RPGRIP1: variants seen among roughly 807,000 people sequenced by gnomAD.
RPGRIP1 encodes X-linked retinitis pigmentosa GTPase regulator-interacting protein 1.
Under a neutral mutation model 157.9 loss-of-function variants are expected in RPGRIP1, and 128 were observed. That is an observed-to-expected ratio of 0.81 (90% CI 0.70 to 0.94). RPGRIP1 has a LOEUF of 0.94. RPGRIP1 is among the 40% of genes least tolerant of loss of function. RPGRIP1 has a pLI of 0.00. For synonymous variants in RPGRIP1, 554 were observed against 571.6 expected (o/e 0.97, Z 0.44); for missense variants, 1,486 against 1,545.8 (o/e 0.96, Z 0.65).
At chr14:21,303,626 A>C in intron 6 of RPGRIP1, 83 bp downstream of exon 6, 2 of 1,006,508 alleles carry the variant, frequency 2.0e-6, no homozygotes, top group Non-Finnish European at 3.0e-6. Context: ...CCTCCATCTC[A>C]GAGGAAAAGA....
chr14:21,336,456 G>A (rs1253673139), intron 21 of RPGRIP1, among the ~76,000 whole-genome samples: 1 of 152,190 alleles, frequency 6.6e-6, no homozygotes, highest in East Asian at 1.9e-4. Context: ...GATTGCTTGA[G>A]CCTGAGAGTT....
chr14:21,312,288 G>C (rs568103038), intron 9 of RPGRIP1, 145 bp from the exon 10 acceptor site: 1 of 630,398 alleles, frequency 1.6e-6, no homozygotes, highest in Admixed American at 3.2e-5. Context: ...ATTGGTTCAA[G>C]TCTTTCTAGT....
chr14:21,338,592 T>C lies in RPGRIP1; in HGVS notation c.3339+3887T>C, dbSNP rs1182128049. Among the ~76,000 whole-genome samples, 4 of 152,234 alleles carry C rather than the reference T, an allele frequency of 2.6e-5. No individual in the cohort carries two copies. The East Asian group carries it at 7.7e-4, about 29-fold the overall frequency. Reference sequence around the variant, plus strand: ...AAAATTACATAATGGAATTAGCTCATGTAAAGAAAGTATTCTGAATCCAAC... The same window carrying C: ...AAAATTACATAATGGAATTAGCTCACGTAAAGAAAGTATTCTGAATCCAAC... On this transcript the variant is annotated intron_variant, in intron 21 of 24. Transcript: ENST00000400017.
At chr14:21,314,095 A>C (rs1158416925) in intron 10 of RPGRIP1, among the ~76,000 whole-genome samples, 3 of 151,888 alleles carry the variant, frequency 2.0e-5, no homozygotes, top group Non-Finnish European at 4.4e-5. Flanking sequence ...CCACAGGTGC[A>C]CACCACCATG....
At chr14:21,348,055 C>G in intron 23 of RPGRIP1, 117 bp from the exon 24 acceptor site, 1 of 867,010 alleles carries the variant, frequency 1.2e-6, no homozygotes, top group Non-Finnish European at 1.7e-6. Context: ...AAAATGGAGG[C>G]AAGGGAAAAG....
intron 6 of RPGRIP1, among the ~76,000 whole-genome samples, chr14:21,304,389 G>GAAAGAAAGAA (rs1555365552): frequency 1.7e-5 from 2 of 120,948 alleles, no homozygotes; most frequent in African/African-American, 6.1e-5. Flanking sequence ...GAAGGAGAGA[G>GAAAGAAAGAA]AGAAAGAAAG....
intron 22 of RPGRIP1, 23 bp downstream of exon 22, chr14:21,343,251 T>C (rs1245165294): frequency 2.5e-6 from 4 of 1,588,376 alleles, no homozygotes; most frequent in African/African-American, 1.3e-5. Context: ...GTGTGGTTAC[T>C]GGGGTGAGGA....
rs1273869576 is a variant in RPGRIP1 at position 21,321,874 on chromosome 14, G to A, written c.1632G>A (p.Met544Ile). Reference sequence around the variant, plus strand: ...TTCAGGAGGAACTGGAGGCAATGATGACAAAAGCTGACAATGATAATAGAG... The same window carrying A: ...TTCAGGAGGAACTGGAGGCAATGATAACAAAAGCTGACAATGATAATAGAG... ...VCYQEELEAM[M>I]TKADNDNRDH... Residue 544 changes from methionine to isoleucine, a missense_variant, in exon 14 of 25, where the codon ATG (methionine) becomes ATA (isoleucine). Met to Ile is a conservative substitution (Grantham distance 10). Transcript: ENST00000400017. 6.2e-7 allele frequency: 1 copy of A among 1,613,018 alleles called. No homozygotes were observed. Among genetic ancestry groups the A allele is most frequent in the Admixed American group, 1.7e-5 (1 of 59,808 alleles).
intron 10 of RPGRIP1, among the ~76,000 whole-genome samples, chr14:21,315,250 G>T (rs1881724638): frequency 6.6e-6 from 1 of 152,134 alleles, no homozygotes; most frequent in African/African-American, 2.4e-5. Context: ...GCTCATGCCT[G>T]TAATCCCAGC....
chr14:21,325,091 G>A, intron 15 of RPGRIP1, 21 bp downstream of exon 15: 1 of 1,585,900 alleles, frequency 6.3e-7, no homozygotes, highest in Non-Finnish European at 8.6e-7. Flanking sequence ...TTGGCTTCCT[G>A]CGGCTCCTAA....
At position 21,322,500 on chromosome 14, in the gene RPGRIP1, C is replaced by A. The variant is rs539050587; in HGVS notation, c.1762+496C>A. 2.6e-5 allele frequency among the ~76,000 whole-genome samples: 4 copies of A among 152,246 alleles called. No homozygotes were observed. In the East Asian group the frequency reaches 7.7e-4, roughly 29 times the overall value. On this transcript the variant is annotated intron_variant, in intron 14 of 24. Coordinates refer to ENST00000400017, the MANE Select transcript of RPGRIP1 (RefSeq NM_020366.4). ...ATACATGTTAGCAGCTTCTTTCCCT[C>A]CATCATGTTTTTCTGATTTCTCTGT...
At chr14:21,287,621 A>C (rs1743909492) in intron 1 of RPGRIP1, among the ~76,000 whole-genome samples, 1 of 152,050 alleles carries the variant, frequency 6.6e-6, no homozygotes, top group Non-Finnish European at 1.5e-5. Context: ...GAGTGGAGAG[A>C]GGGATAGAGG....
intron 17 of RPGRIP1, 80 bp downstream of exon 17, chr14:21,326,253 A>C (rs1883094409): frequency 5.3e-6 from 5 of 938,266 alleles, no homozygotes; most frequent in Middle Eastern, 4.5e-4. Context: ...TTCTTTGATT[A>C]CTTGCTTGAA....
intron 10 of RPGRIP1, among the ~76,000 whole-genome samples, chr14:21,314,175 C>T (rs1236799375): frequency 1.3e-5 from 2 of 151,718 alleles, no homozygotes; most frequent in African/African-American, 4.8e-5. Context: ...CTTGAACTCC[C>T]AGGCTCAAGT....
Position 21,307,736 on chromosome 14 carries a change from C to T in RPGRIP1, c.806C>T (p.Ser269Phe). 1 of 1,553,002 alleles carries T rather than the reference C, an allele frequency of 6.4e-7. No homozygotes were observed. Among genetic ancestry groups the T allele is most frequent in the Non-Finnish European group, 8.7e-7 (1 of 1,144,540 alleles). The change falls in exon 7 of 25, where the codon TCC becomes TTC. Residue 269 changes from serine (S) to phenylalanine (F), a missense_variant. By Grantham distance (155) the Ser-to-Phe change is radical (BLOSUM62 -2). Transcript: ENST00000400017. ...CAQKAAELRA[S>F]IKEKVELIRL... ...TTTAGCGCCTTTCTCTGCAGAGCTT[C>T]CATTAAAGAGAAGGTAGAGCTGATT...
At position 21,320,156 on chromosome 14, in the gene RPGRIP1, G is replaced by C. The variant is rs200541068; in HGVS notation, c.1446G>C (p.Leu482Phe). Residue 482 changes from leucine to phenylalanine, a missense_variant, in exon 12 of 25, where the codon TTG (leucine) becomes TTC (phenylalanine). Physicochemically the swap from Leu to Phe is conservative, Grantham distance 22 (BLOSUM62 0). Transcript: ENST00000400017. The part of the protein sequence containing the change: ...QSEPATHPAV[L>F]QENTQIEPSE... ...AACCAGCCACTCACCCAGCTGTATT[G>C]CAAGAGAACACTCAGATCGAGGTAA... 1.3e-5 allele frequency: 21 copies of C among 1,613,790 alleles called. No homozygotes were observed. The highest frequency in any genetic ancestry group is 1.6e-4 in the Middle Eastern group (1 of 6,084).
chr14:21,321,538 G>A, intron 13 of RPGRIP1, 136 bp downstream of exon 13: 1 of 1,444,056 alleles, frequency 6.9e-7, no homozygotes, highest in African/African-American at 1.4e-5. Flanking sequence ...ACACACAATG[G>A]CTGTCCTTTG....
At chr14:21,343,510 A>T (rs936728187) in intron 22 of RPGRIP1, among the ~76,000 whole-genome samples, 2 of 151,898 alleles carry the variant, frequency 1.3e-5, no homozygotes, top group African/African-American at 4.8e-5. Flanking sequence ...TTACTTTTTG[A>T]GGTGGAGTCT....
intron 8 of RPGRIP1, chr14:21,310,841 G>T: frequency 1.5e-6 from 1 of 679,934 alleles, no homozygotes; most frequent in East Asian, 2.8e-5. Flanking sequence ...GAAATATTTG[G>T]CATGGTATTT....
Sources: gnomAD v4.1 joint callset for allele counts (sites outside exome capture counted in the v4.1 genomes callset) on GRCh38, gnomAD v4.1.1 for gene constraint, MANE v1.5 for transcripts, NCBI Gene and HGNC (gene_info 2026-07-23, HGNC 2026-07-21) for gene names.